EFCAB14: variants seen among roughly 807,000 people sequenced by gnomAD.
EFCAB14 encodes the protein EF-hand calcium-binding domain-containing protein 14.
EFCAB14 carries 43 observed loss-of-function variants against 56.5 expected under a neutral mutation model. The ratio of observed to expected loss-of-function variants is 0.76; its 90% CI spans 0.60 to 0.98. EFCAB14 has a LOEUF of 0.98. Ranked by LOEUF, EFCAB14 falls within the 50% of genes least tolerant of loss-of-function variation. EFCAB14 has a pLI of 0.00. For synonymous variants in EFCAB14, 235 were observed against 212.9 expected (o/e 1.10, Z -0.90); for missense variants, 538 against 580.3 (o/e 0.93, Z 0.75).
intron 3 of EFCAB14, among the ~76,000 whole-genome samples, chr1:46,702,653 T>C (rs1677175979): frequency 6.6e-6 from 1 of 152,242 alleles, no homozygotes; most frequent in African/African-American, 2.4e-5. Flanking sequence ...AAGCATTTAA[T>C]GAATGGCAGT....
chr1:46,717,818 A>C, intron 1 of EFCAB14, 85 bp downstream of exon 1: 4 of 1,432,200 alleles, frequency 2.8e-6, no homozygotes, highest in Admixed American at 4.4e-5. Flanking sequence ...CTTCCTAAGG[A>C]CTTCCTTTCT....
rs60875639 is a variant in EFCAB14, at chr1:46,679,599, G to GTTTTTTTTTTTTTTTT, written c.1313-979_1313-964dup. Among the ~76,000 whole-genome samples the GTTTTTTTTTTTTTTTT allele has an allele frequency of 8.2e-5, 3 of 36,522 alleles. 1 individual carries two copies. Among genetic ancestry groups the GTTTTTTTTTTTTTTTT allele is most frequent in the African/African-American group, 1.1e-4 (1 of 9,406 alleles). The allele number at this position is 36,522 out of a possible 152,430, so 24.0% of individuals were successfully genotyped here. On this transcript the variant is annotated intron_variant, in intron 10 of 10. Transcript: ENST00000371933. ...ATTATAGGCGTGAACCACCACGCCT[G>GTTTTTTTTTTTTTTTT]TTTTTTTTTTTTTTTTTTTTTTTTT...
chr1:46,707,817 C>T (rs932782160), intron 3 of EFCAB14, 89 bp downstream of exon 3: 4 of 1,325,214 alleles, frequency 3.0e-6, no homozygotes, highest in Non-Finnish European at 4.1e-6. Flanking sequence ...AAATGAATTC[C>T]CTATACCTAC....
At chr1:46,701,435 C>A (rs1216767265) in intron 3 of EFCAB14, among the ~76,000 whole-genome samples, 1 of 152,216 alleles carries the variant, frequency 6.6e-6, no homozygotes, top group Non-Finnish European at 1.5e-5. Flanking sequence ...GGGACAAACA[C>A]CTTCCTCCAC....
chr1:46,707,722 T>C (rs911591483), intron 3 of EFCAB14, among the ~76,000 whole-genome samples, 184 bp downstream of exon 3: 1 of 152,226 alleles, frequency 6.6e-6, no homozygotes, highest in Admixed American at 6.5e-5. Context: ...TTTAAATATC[T>C]GGTAAATGCA....
chr1:46,686,615 TAA>T, intron 8 of EFCAB14, 167 bp downstream of exon 8: 1 of 712,986 alleles, frequency 1.4e-6, no homozygotes, highest in South Asian at 1.7e-5. Context: ...GGTAGGTGCC[TAA>T]AAAAGTATTC....
chr1:46,687,450 C>T (rs3766222), intron 7 of EFCAB14, among the ~76,000 whole-genome samples: 18,844 of 152,200 alleles, frequency 0.12, 2,921 homozygotes, highest in East Asian at 0.39. Context: ...CTCCACCCTT[C>T]AAAGCCAAGT....
Position 46,684,619 on chromosome 1 carries a change from T to C in EFCAB14, c.1075-17A>G. 6.3e-7 allele frequency: 1 copy of C among 1,599,616 alleles called. No homozygotes were observed. On this transcript the variant is annotated splice_polypyrimidine_tract_variant and intron_variant, in intron 8 of 10. Transcript: ENST00000371933. ...ATCTTCTTTCTGCACAAAACAAAGATTATAGAAGGTTTAAGGTGGTAGTAA... is the reference window on the plus strand; with the variant it reads ...ATCTTCTTTCTGCACAAAACAAAGACTATAGAAGGTTTAAGGTGGTAGTAA...
chr1:46,714,722 A>G (rs1677361301), intron 2 of EFCAB14, among the ~76,000 whole-genome samples: 1 of 151,636 alleles, frequency 6.6e-6, no homozygotes, highest in Non-Finnish European at 1.5e-5. Context: ...AGACTGCTTG[A>G]GCCCATGAAG....
At chr1:46,689,843 C>T in intron 5 of EFCAB14, 152 bp from the exon 6 acceptor site, 2 of 692,290 alleles carry the variant, frequency 2.9e-6, no homozygotes, top group Admixed American at 2.6e-5. Flanking sequence ...GCTAACCAGT[C>T]TTGTGCTAGG....
rs770940754 is a variant in EFCAB14 at position 46,684,626 on chromosome 1, A to G, written c.1075-24T>C. On this transcript the variant is annotated intron_variant, in intron 8 of 10. Coordinates refer to ENST00000371933, the MANE Select transcript of EFCAB14 (RefSeq NM_014774.3). Reference sequence around the variant, plus strand: ...TTCTGCACAAAACAAAGATTATAGAAGGTTTAAGGTGGTAGTAAGACTTCA... The same window carrying G: ...TTCTGCACAAAACAAAGATTATAGAGGGTTTAAGGTGGTAGTAAGACTTCA... 1.0e-5 allele frequency: 16 copies of G among 1,588,128 alleles called. No individual in the cohort carries two copies. In the East Asian group the frequency reaches 3.1e-4, roughly 31 times the overall value.
rs746291327 is a variant in EFCAB14 at position 46,678,593 on chromosome 1, C to G, written c.1356G>C (p.Gly452=). Residue 452 remains glycine, a synonymous_variant, in exon 11 of 11, where the codon GGG becomes GGC. Transcript: ENST00000371933. ...LFRKTGQDVD[G]KLTYQEIWTS... is the part of the protein sequence containing the mutation. ...TCCAGATTTCCTGGTAGGTCAGCTTCCCATCCACGTCCTGGCCAGTCTTGC... is the reference window on the plus strand; with the variant it reads ...TCCAGATTTCCTGGTAGGTCAGCTTGCCATCCACGTCCTGGCCAGTCTTGC... 3.1e-6 allele frequency: 5 copies of G among 1,613,956 alleles called. No individual in the cohort carries two copies. Among genetic ancestry groups the G allele is most frequent in the Non-Finnish European group, 4.2e-6 (5 of 1,180,006 alleles).
At position 46,718,029 on chromosome 1, in the gene EFCAB14, T is replaced by C. The variant is rs1243501700; in HGVS notation, c.59A>G (p.Lys20Arg). 6.2e-7 allele frequency: 1 copy of C among 1,614,240 alleles called. No individual in the cohort carries two copies. ...ACTGCTTGGGCCTTTCTTGGGCTTC[T>C]TTCTCCGGCTGTCCCCAGCCAAACC... ...LIGLAGDSRR[K>R]KPKKGPSSHR... Residue 20 changes from lysine to arginine, a missense_variant, in exon 1 of 11, where the codon AAG becomes AGG. Coordinates refer to ENST00000371933, the MANE Select transcript of EFCAB14 (RefSeq NM_014774.3).
chr1:46,681,295 A>G (rs1676790520), intron 10 of EFCAB14, among the ~76,000 whole-genome samples: 2 of 152,212 alleles, frequency 1.3e-5, no homozygotes, highest in Non-Finnish European at 2.9e-5. Context: ...TTGTGTCCCC[A>G]TAATCAAATA....
intron 3 of EFCAB14, among the ~76,000 whole-genome samples, chr1:46,697,852 CTCTTT>C (rs1677098546): frequency 8.5e-6 from 1 of 117,666 alleles, no homozygotes; most frequent in Non-Finnish European, 1.6e-5. Context: ...TTCTCTCTCT[CTCTTT>C]TTTTTTTTTT....
Position 46,718,009 on chromosome 1 carries a change from T to G in EFCAB14, c.79A>C (p.Ser27Arg). The G allele has an allele frequency of 6.2e-7, 1 of 1,614,258 alleles. No homozygotes were observed. The highest frequency in any genetic ancestry group is 8.5e-7 in the Non-Finnish European group (1 of 1,180,050). ...SRRKKPKKGP[S>R]SHRLLRTEPP... Reference sequence around the variant, plus strand: ...TCAGTGCGAAGCAGGCGGTGACTGCTTGGGCCTTTCTTGGGCTTCTTTCTC... The same window carrying G: ...TCAGTGCGAAGCAGGCGGTGACTGCGTGGGCCTTTCTTGGGCTTCTTTCTC... Residue 27 changes from serine to arginine, a missense_variant, in exon 1 of 11, where the codon AGC (serine) becomes CGC (arginine). Physicochemically the swap from Ser to Arg is moderately radical, Grantham distance 110. Coordinates refer to ENST00000371933, the MANE Select transcript of EFCAB14 (RefSeq NM_014774.3).
intron 10 of EFCAB14, among the ~76,000 whole-genome samples, chr1:46,680,507 A>G (rs1396617611): frequency 1.3e-5 from 2 of 152,232 alleles, no homozygotes; most frequent in African/African-American, 2.4e-5. Context: ...ATTTATGTGA[A>G]ACACCCCAAA....
chr1:46,715,995 C>T (rs1455758958), intron 2 of EFCAB14, among the ~76,000 whole-genome samples: 4 of 151,950 alleles, frequency 2.6e-5, no homozygotes, highest in Non-Finnish European at 5.9e-5. Flanking sequence ...CGCCTGTAAT[C>T]CTGGCACTTT....
chr1:46,700,986 A>AGTGTGTGT (rs3991763), intron 3 of EFCAB14, among the ~76,000 whole-genome samples: 46,721 of 142,790 alleles, frequency 0.33, 8,362 homozygotes, highest in Non-Finnish European at 0.41. Flanking sequence ...AGAGTGAGTG[A>AGTGTGTGT]GTGTGTGTGT....
Sources: gnomAD v4.1 joint callset for allele counts (sites outside exome capture counted in the v4.1 genomes callset) on GRCh38, gnomAD v4.1.1 for gene constraint, MANE v1.5 for transcripts, NCBI Gene and HGNC (gene_info 2026-07-23, HGNC 2026-07-21) for gene names.